Variants in ABCD2 observed in about 807,000 individuals in gnomAD.
The protein encoded by ABCD2 is ATP-binding cassette sub-family D member 2.
A neutral mutation model predicts 70.9 loss-of-function variants in ABCD2; 36 were observed. The ratio of observed to expected loss-of-function variants is 0.51; its 90% CI spans 0.39 to 0.67. The LOEUF is 0.67. Ranked by LOEUF, ABCD2 falls within the 30% of genes least tolerant of loss-of-function variation. The pLI is 0.00. For synonymous variants in ABCD2, 304 were observed against 306.9 expected, an observed-to-expected ratio of 0.99 and a Z score of 0.10; for missense variants, 729 against 890.2, an observed-to-expected ratio of 0.82 and a Z score of 2.30.
intron 9 of ABCD2, among the ~76,000 whole-genome samples, chr12:39,565,014 C>G (rs891497658): frequency 6.6e-6 from 1 of 152,156 alleles, no homozygotes; most frequent in Non-Finnish European, 1.5e-5. Flanking sequence ...TAGTACCATG[C>G]TGTTTTGTTT....
the ABCD2 span, among the ~76,000 whole-genome samples, chr12:39,543,900 A>C: frequency 6.6e-6 from 1 of 152,138 alleles, no homozygotes; most frequent in Non-Finnish European, 1.5e-5. Flanking sequence ...GGGTCTTTTA[A>C]CTCAAAAGGA....
chr12:39,535,213 G>A, the ABCD2 span, among the ~76,000 whole-genome samples: 1 of 152,090 alleles, frequency 6.6e-6, no homozygotes, highest in African/African-American at 2.4e-5. Context: ...GAATCAGACG[G>A]TGGGATTAAG....
In ABCD2 at chr12:39,617,524, T is replaced by C. The variant is rs142145041; in HGVS notation, c.940-356A>G. 7.9e-5 allele frequency among the ~76,000 whole-genome samples: 12 copies of C among 152,248 alleles called. No individual in the cohort carries two copies. The East Asian group carries it at 2.1e-3, about 27-fold the overall frequency. ...TGAAAATGGACACATGACATATATA[T>C]GTATAGACTCCACTTTTGAACTGAC... is the stretch of plus-strand genomic sequence containing the variant. On this transcript the variant is annotated intron_variant, in intron 1 of 9. Transcript: ENST00000308666.
At chr12:39,578,328 G>A (rs542629727) in intron 8 of ABCD2, among the ~76,000 whole-genome samples, 1 of 152,166 alleles carries the variant, frequency 6.6e-6, no homozygotes, top group South Asian at 2.1e-4. Flanking sequence ...CAAAAAATTA[G>A]CCGGGCTTGG....
In ABCD2 at chr12:39,559,543, A is replaced by C. The variant is rs529037757; in HGVS notation, c.2004-5412T>G. Reference sequence around the variant, plus strand: ...AGGTACAGGAAGGTCAAAAGTCTTCAATCATACTCAATCCAAATAAGACTA... The same window carrying C: ...AGGTACAGGAAGGTCAAAAGTCTTCCATCATACTCAATCCAAATAAGACTA... On this transcript the variant is annotated intron_variant, in intron 9 of 9. Coordinates refer to ENST00000308666, the MANE Select transcript of ABCD2 (RefSeq NM_005164.4). Among the ~76,000 whole-genome samples the C allele has an allele frequency of 1.2e-4, 18 of 152,258 alleles. No individual in the cohort carries two copies. The East Asian group carries it at 1.3e-3, about 11-fold the overall frequency.
intron 9 of ABCD2, among the ~76,000 whole-genome samples, chr12:39,565,954 C>G (rs1591970743): frequency 6.6e-6 from 1 of 152,144 alleles, no homozygotes; most frequent in African/African-American, 2.4e-5. Flanking sequence ...TATGTTGAAC[C>G]AGCCTTGCAT....
the ABCD2 span, among the ~76,000 whole-genome samples, chr12:39,533,671 T>A: frequency 1.3e-5 from 2 of 152,236 alleles, no homozygotes; most frequent in Non-Finnish European, 2.9e-5. Flanking sequence ...AAATATTTTT[T>A]AAAAATTACT....
At chr12:39,607,159 C>T (rs943783377) in intron 3 of ABCD2, among the ~76,000 whole-genome samples, 2 of 152,136 alleles carry the variant, frequency 1.3e-5, no homozygotes, top group Admixed American at 6.5e-5. Flanking sequence ...TTAATATGTG[C>T]TGTTTTAAAT....
At chr12:39,611,194 T>G (rs1466264940) in intron 2 of ABCD2, among the ~76,000 whole-genome samples, 1 of 152,132 alleles carries the variant, frequency 6.6e-6, no homozygotes, top group African/African-American at 2.4e-5. Context: ...CCCTTGCAAA[T>G]GTACATCACA....
At chr12:39,602,346 G>GT (rs1484759934) in intron 5 of ABCD2, among the ~76,000 whole-genome samples, 1 of 151,742 alleles carries the variant, frequency 6.6e-6, no homozygotes, top group Non-Finnish European at 1.5e-5. Context: ...TAGAGACAGG[G>GT]TTTCACCATG....
chr12:39,538,944 G>C, the ABCD2 span, among the ~76,000 whole-genome samples: 1 of 152,092 alleles, frequency 6.6e-6, no homozygotes, highest in East Asian at 1.9e-4. Context: ...TAAAACCCCT[G>C]TCCCATACTC....
chr12:39,576,837 T>TA (rs1941524518), intron 8 of ABCD2, among the ~76,000 whole-genome samples: 1 of 152,170 alleles, frequency 6.6e-6, no homozygotes, highest in Admixed American at 6.5e-5. Context: ...ATTGGTTACA[T>TA]AATGTAGAAA....
At chr12:39,570,481 T>G (rs1485921976) in intron 9 of ABCD2, among the ~76,000 whole-genome samples, 1 of 152,176 alleles carries the variant, frequency 6.6e-6, no homozygotes, top group African/African-American at 2.4e-5. Context: ...AACACACTAT[T>G]GGGAAAGGGC....
chr12:39,595,067 A>AAAAAAGAAAAAG (rs1941798324), intron 6 of ABCD2, among the ~76,000 whole-genome samples: 1 of 152,186 alleles, frequency 6.6e-6, no homozygotes, highest in African/African-American at 2.4e-5. Flanking sequence ...CTCTGTTTCA[A>AAAAAAGAAAAAG]AAAAAGAAAA....
At chr12:39,588,334 C>A (rs1941694834) in intron 6 of ABCD2, among the ~76,000 whole-genome samples, 1 of 152,118 alleles carries the variant, frequency 6.6e-6, no homozygotes, top group African/African-American at 2.4e-5. Context: ...GGAACAGAGT[C>A]TTTGCAGATT....
chr12:39,608,447 G>C (rs1942000589), intron 2 of ABCD2, among the ~76,000 whole-genome samples: 1 of 152,098 alleles, frequency 6.6e-6, no homozygotes, highest in African/African-American at 2.4e-5. Context: ...GGCACTCTGG[G>C]AGGCCAAGGC....
intron 9 of ABCD2, among the ~76,000 whole-genome samples, chr12:39,571,353 T>TTA (rs753003263): frequency 6.6e-6 from 1 of 152,082 alleles, no homozygotes; most frequent in African/African-American, 2.4e-5. Flanking sequence ...ATAAAGAATG[T>TTA]TATATATATA....
chr12:39,578,231 T>C (rs1941546081), intron 8 of ABCD2, among the ~76,000 whole-genome samples: 1 of 152,096 alleles, frequency 6.6e-6, no homozygotes, highest in Non-Finnish European at 1.5e-5. Flanking sequence ...TCCCAGCACT[T>C]TGGGAGGCCG....
chr12:39,564,950 C>T (rs200485653), intron 9 of ABCD2, among the ~76,000 whole-genome samples: 1 of 152,126 alleles, frequency 6.6e-6, no homozygotes, highest in Non-Finnish European at 1.5e-5. Flanking sequence ...AGATATGCGG[C>T]ATTATTTCTG....
Sources: gnomAD v4.1 joint callset for allele counts (sites outside exome capture counted in the v4.1 genomes callset) on GRCh38, gnomAD v4.1.1 for gene constraint, MANE v1.5 for transcripts, NCBI Gene and HGNC (gene_info 2026-07-23, HGNC 2026-07-21) for gene names.